Variants in ARHGAP12 observed in about 807,000 individuals in gnomAD.
ARHGAP12 encodes the protein Rho GTPase activating protein 12, also known as rho GTPase-activating protein 12.
A neutral mutation model predicts 108.6 loss-of-function variants in ARHGAP12; 64 were observed. That is an observed-to-expected ratio of 0.59 (90% CI 0.48 to 0.73). The LOEUF (loss-of-function observed/expected upper bound fraction) is 0.73. ARHGAP12 is among the 30% of genes least tolerant of loss of function. The pLI is 0.00. For missense variants in ARHGAP12, 940 were observed against 1,005.9 expected (o/e 0.93, Z 0.89); for synonymous variants, 312 against 337.2 (o/e 0.93, Z 0.82).
intron 9 of ARHGAP12, 21 bp downstream of exon 9, chr10:31,839,284 A>G (rs1178510625): frequency 1.9e-6 from 3 of 1,605,502 alleles, no homozygotes; most frequent in South Asian, 2.2e-5. Context: ...GCCTATTAAG[A>G]AGGAGAGGAT....
chr10:31,892,260 A>C (rs1030253992), intron 3 of ARHGAP12, among the ~76,000 whole-genome samples: 5 of 152,172 alleles, frequency 3.3e-5, no homozygotes, highest in African/African-American at 1.2e-4. Context: ...ACACATAACA[A>C]TATTAACCTT....
chr10:31,856,405 C>A (rs1222552732), intron 4 of ARHGAP12, among the ~76,000 whole-genome samples: 2 of 152,076 alleles, frequency 1.3e-5, no homozygotes, highest in African/African-American at 2.4e-5. Flanking sequence ...GGCTATCCCA[C>A]AATACAGAGC....
At chr10:31,845,097 A>G (rs975042652) in intron 6 of ARHGAP12, among the ~76,000 whole-genome samples, 2 of 152,124 alleles carry the variant, frequency 1.3e-5, no homozygotes, top group Non-Finnish European at 2.9e-5. Flanking sequence ...CCTTTAATAA[A>G]CATGTTCTTA....
chr10:31,907,809 T>C (rs558496427), intron 3 of ARHGAP12, among the ~76,000 whole-genome samples: 2 of 152,136 alleles, frequency 1.3e-5, no homozygotes, highest in Admixed American at 6.5e-5. Flanking sequence ...CAAGTCAAAA[T>C]GGGTACAGGT....
chr10:31,881,454 A>G (rs960845405), intron 3 of ARHGAP12, among the ~76,000 whole-genome samples: 6 of 152,356 alleles, frequency 3.9e-5, no homozygotes, highest in African/African-American at 9.6e-5. Context: ...TACTGCCTTA[A>G]AAGTCTGAAA....
At chr10:31,886,902 A>G (rs905102031) in intron 3 of ARHGAP12, among the ~76,000 whole-genome samples, 4 of 152,182 alleles carry the variant, frequency 2.6e-5, no homozygotes, top group Admixed American at 6.5e-5. Flanking sequence ...TTTGCAAAGA[A>G]TTTTACACAT....
At position 31,807,645 on chromosome 10, in the gene ARHGAP12, TC is replaced by T; in HGVS notation, c.*12del. Reference sequence around the variant, plus strand: ...AATCCAGCTTCTATTCCACAGGTTGTCTTCAGTAAGAATCAACGTCCGAAGA... The same window carrying T: ...AATCCAGCTTCTATTCCACAGGTTGTTTCAGTAAGAATCAACGTCCGAAGA... On this transcript the variant is annotated 3_prime_UTR_variant, in exon 20 of 20. Transcript: ENST00000344936. The T allele has an allele frequency of 6.3e-7, 1 of 1,589,822 alleles. No individual in the cohort carries two copies. Among genetic ancestry groups the T allele is most frequent in the Non-Finnish European group, 8.5e-7 (1 of 1,171,800 alleles).
intron 13 of ARHGAP12, among the ~76,000 whole-genome samples, chr10:31,814,845 G>A (rs1478119481): frequency 6.6e-6 from 1 of 152,034 alleles, no homozygotes; most frequent in Admixed American, 6.5e-5. Flanking sequence ...CAGGCGTGGT[G>A]GCTCACACCT....
intron 3 of ARHGAP12, among the ~76,000 whole-genome samples, chr10:31,894,862 C>T (rs1452220072): frequency 5.3e-5 from 8 of 152,292 alleles, no homozygotes; most frequent in Non-Finnish European, 1.0e-4. Context: ...TACAAGGCTA[C>T]AGTAACCAAA....
intron 3 of ARHGAP12, among the ~76,000 whole-genome samples, chr10:31,880,077 G>A (rs959172823): frequency 5.3e-5 from 8 of 151,974 alleles, no homozygotes; most frequent in African/African-American, 7.3e-5. Flanking sequence ...CATATTCTTC[G>A]AACTGTGCAC....
chr10:31,854,283 T>C (rs1344469717), intron 4 of ARHGAP12, 77 bp from the exon 5 acceptor site: 11 of 1,266,148 alleles, frequency 8.7e-6, no homozygotes, highest in African/African-American at 4.6e-5. Context: ...AATAAATAAA[T>C]TTTACTTGAC....
intron 1 of ARHGAP12, among the ~76,000 whole-genome samples, chr10:31,924,816 A>C (rs1282887976): frequency 6.6e-6 from 1 of 152,116 alleles, no homozygotes; most frequent in Non-Finnish European, 1.5e-5. Context: ...GACCCTAGGC[A>C]CCTTAACTTG....
intron 3 of ARHGAP12, among the ~76,000 whole-genome samples, chr10:31,900,168 C>T (rs1278305767): frequency 6.6e-6 from 1 of 152,158 alleles, no homozygotes; most frequent in Admixed American, 6.6e-5. Context: ...CAATGAGATA[C>T]TTTACATGTA....
Position 31,902,037 on chromosome 10 carries a change from T to C in ARHGAP12, c.684+6135A>G, listed in dbSNP as rs551923780. 3.3e-5 allele frequency among the ~76,000 whole-genome samples: 5 copies of C among 152,302 alleles called. No individual in the cohort carries two copies. The East Asian group carries it at 7.7e-4, about 23-fold the overall frequency. ...CACAGGTTCCAGGGATTAGGACCTA[T>C]TATCTTTGGTAAGTATTATTCAGCC... On this transcript the variant is annotated intron_variant, in intron 3 of 19. Transcript: ENST00000344936.
At chr10:31,818,948 A>C (rs934865006) in intron 12 of ARHGAP12, among the ~76,000 whole-genome samples, 1 of 152,128 alleles carries the variant, frequency 6.6e-6, no homozygotes, top group African/African-American at 2.4e-5. Flanking sequence ...GCACTTTTCT[A>C]GTGTTGGTCA....
intron 3 of ARHGAP12, among the ~76,000 whole-genome samples, chr10:31,905,526 A>C (rs1332283170): frequency 6.6e-6 from 1 of 152,234 alleles, no homozygotes; most frequent in Non-Finnish European, 1.5e-5. Flanking sequence ...GCAGAAAAGC[A>C]AATACATATC....
At chr10:31,896,113 T>C (rs1838679574) in intron 3 of ARHGAP12, among the ~76,000 whole-genome samples, 1 of 151,952 alleles carries the variant, frequency 6.6e-6, no homozygotes, top group East Asian at 1.9e-4. Context: ...CGGGGAGGGA[T>C]AGCATTAGGA....
At chr10:31,828,083 C>T (rs1835686126) in intron 10 of ARHGAP12, among the ~76,000 whole-genome samples, 2 of 152,086 alleles carry the variant, frequency 1.3e-5, no homozygotes, top group Non-Finnish European at 2.9e-5. Context: ...ATTACATCTT[C>T]ACTGTGGACT....
Position 31,814,359 on chromosome 10 carries a change from T to C in ARHGAP12, c.1734A>G (p.Ala578=). The change falls in exon 14 of 20, where the codon GCA becomes GCG. Residue 578 remains alanine, a splice_region_variant and synonymous_variant. Coordinates refer to ENST00000344936, the MANE Select transcript of ARHGAP12 (RefSeq NM_018287.7). ...CTTCAATTCCTTCATCAGTTTCTAC[T>C]GCCTATTGGTTAGATATTTCCCAAA... ...KVLSSTINNQ[A]VETDEGIEEE... is the part of the protein sequence containing the mutation. 1 of 1,608,362 alleles carries C rather than the reference T, an allele frequency of 6.2e-7. No homozygotes were observed. The highest frequency in any genetic ancestry group is 8.5e-7 in the Non-Finnish European group (1 of 1,174,828).
Sources: allele counts gnomAD v4.1 joint callset (sites outside exome capture counted in the v4.1 genomes callset), GRCh38; gene constraint gnomAD v4.1.1; transcripts MANE v1.5; gene names NCBI Gene and HGNC (gene_info 2026-07-23, HGNC 2026-07-21).